Variants in SENP7 observed in about 807,000 individuals in gnomAD.
The protein encoded by SENP7 is sentrin-specific protease 7.
In SENP7, 64 loss-of-function variants were observed where a neutral mutation model predicts 141.2. That is an observed-to-expected ratio of 0.45 (90% confidence interval 0.37 to 0.56). SENP7 has a LOEUF of 0.56. SENP7 is among the 20% of genes least tolerant of loss of function. The pLI, the probability that SENP7 is intolerant of heterozygous loss-of-function variation, is 0.00. For synonymous variants in SENP7, 382 were observed against 426.4 expected (o/e 0.90, Z 1.28); for missense variants, 1,025 against 1,212.2 (o/e 0.85, Z 2.29).
At chr3:101,471,101 C>T (rs1253680547) in intron 3 of SENP7, among the ~76,000 whole-genome samples, 1 of 152,124 alleles carries the variant, frequency 6.6e-6, no homozygotes, top group Non-Finnish European at 1.5e-5. Flanking sequence ...GATTCAATGC[C>T]ATCCCCATCA....
intron 4 of SENP7, among the ~76,000 whole-genome samples, chr3:101,455,393 C>A (rs1241641052): frequency 6.6e-6 from 1 of 152,104 alleles, no homozygotes; most frequent in African/African-American, 2.4e-5. Context: ...TAGCCTAATG[C>A]CTAACATATA....
intron 13 of SENP7, among the ~76,000 whole-genome samples, chr3:101,345,625 C>A (rs1289624100): frequency 6.6e-6 from 1 of 152,104 alleles, no homozygotes; most frequent in East Asian, 1.9e-4. Flanking sequence ...TTCCCCTTTA[C>A]AGATTTGGAT....
At position 101,366,568 on chromosome 3, in the gene SENP7, C is replaced by G. The variant is rs747181985; in HGVS notation, c.1180G>C (p.Val394Leu). The change falls in exon 9 of 24, where the codon GTT (valine) becomes CTT (leucine). Residue 394 changes from valine to leucine, a missense_variant. By Grantham distance (32) the Val-to-Leu change is conservative. Transcript: ENST00000394095. ...ATATCAATGGAATTAGAGTTCTCAA[C>G]GGTTTCAGTGGTTGAACCGGCAGAG... Reference protein sequence around the residue: ...SASAGSTTETVENSNSIDIVG... With the variant: ...SASAGSTTETLENSNSIDIVG... 1.2e-6 allele frequency: 2 copies of G among 1,613,876 alleles called. No individual in the cohort carries two copies. Among genetic ancestry groups the G allele is most frequent in the Admixed American group, 3.3e-5 (2 of 60,006 alleles).
At chr3:101,326,203 T>A (rs1474137793) in intron 23 of SENP7, 123 bp from the exon 24 acceptor site, 1 of 743,160 alleles carries the variant, frequency 1.3e-6, no homozygotes, top group African/African-American at 1.8e-5. Context: ...TATTAAGATA[T>A]AATTCACATA....
At chr3:101,364,213 C>A (rs2059975030) in intron 10 of SENP7, among the ~76,000 whole-genome samples, 2 of 123,664 alleles carry the variant, frequency 1.6e-5, no homozygotes, top group African/African-American at 6.1e-5. Flanking sequence ...GGTGACAGGG[C>A]AAGACCTTGT....
At chr3:101,442,222 C>G (rs1363070492) in intron 4 of SENP7, among the ~76,000 whole-genome samples, 1 of 152,124 alleles carries the variant, frequency 6.6e-6, no homozygotes, top group Non-Finnish European at 1.5e-5. Flanking sequence ...TGCCTGAAAA[C>G]AAACTCAAAA....
Position 101,513,122 on chromosome 3 carries a change from C to T in SENP7, c.9G>A (p.Lys3=), listed in dbSNP as rs911513082. 3 of 1,545,832 alleles carry T rather than the reference C, an allele frequency of 1.9e-6. No homozygotes were observed. The highest frequency in any genetic ancestry group is 2.6e-6 in the Non-Finnish European group (3 of 1,139,588). Residue 3 remains lysine, a synonymous_variant, in exon 1 of 24, where the codon AAG becomes AAA. Transcript: ENST00000394095. ...AAGATGGCCGTCGCCCGAGCTTTCT[C>T]TTGTCCATCTTCTCCCGCTGCTGAA... MD[K]RKLGRRPSSS... is the part of the protein sequence containing the mutation.
intron 4 of SENP7, among the ~76,000 whole-genome samples, chr3:101,423,773 T>C (rs960549995): frequency 2.9e-4 from 44 of 152,244 alleles, no homozygotes; most frequent in Middle Eastern, 6.8e-3. Flanking sequence ...GACTCATTCA[T>C]AGCCCCCAGT....
rs1391960895 is a variant in SENP7 at position 101,341,552 on chromosome 3, A to C, written c.2240+94T>G. ...ACTATCAGCATGAAAGTAAAACTTA[A>C]AACATTTCAAAAGTTAAACTACTGA... On this transcript the variant is annotated intron_variant, in intron 15 of 23. Transcript: ENST00000394095. 3.5e-6 allele frequency: 4 copies of C among 1,151,216 alleles called. No homozygotes were observed. In the African/African-American group the frequency reaches 6.3e-5, roughly 18 times the overall value. 71.3% of individuals were successfully genotyped at this position (1,151,216 alleles called of 1,614,324 possible).
intron 11 of SENP7, among the ~76,000 whole-genome samples, chr3:101,355,312 T>A (rs544986276): frequency 2.0e-5 from 3 of 152,348 alleles, no homozygotes; most frequent in African/African-American, 7.2e-5. Context: ...TGATACTGCC[T>A]AGGTTGTCTT....
chr3:101,477,987 T>A (rs2108012208), intron 3 of SENP7, among the ~76,000 whole-genome samples: 1 of 151,730 alleles, frequency 6.6e-6, no homozygotes, highest in Non-Finnish European at 1.5e-5. Context: ...GATAAACAAC[T>A]GGCTAGACTG....
At chr3:101,336,364 C>T (rs1231334793) in intron 17 of SENP7, among the ~76,000 whole-genome samples, 4 of 152,004 alleles carry the variant, frequency 2.6e-5, no homozygotes, top group African/African-American at 4.8e-5. Flanking sequence ...GTTATTTTAA[C>T]GAGATGAAAC....
chr3:101,414,136 TG>T (rs2061532982), intron 5 of SENP7: 1 of 476,568 alleles, frequency 2.1e-6, no homozygotes, highest in South Asian at 3.2e-5. Context: ...GCAATAAAGA[TG>T]GAGAACAGAT....
intron 12 of SENP7, among the ~76,000 whole-genome samples, chr3:101,350,747 T>TA (rs2059592805): frequency 1.3e-5 from 2 of 152,006 alleles, no homozygotes; most frequent in Non-Finnish European, 2.9e-5. Context: ...CATCCCCTTT[T>TA]AAAATCACAT....
intron 17 of SENP7, among the ~76,000 whole-genome samples, chr3:101,333,530 ATAAAT>A (rs1402630936): frequency 1.3e-5 from 2 of 152,190 alleles, no homozygotes; most frequent in Non-Finnish European, 2.9e-5. Context: ...TCTCTAAAAA[ATAAAT>A]TAATCAGTTA....
chr3:101,437,663 A>T (rs2062442895), intron 4 of SENP7, among the ~76,000 whole-genome samples: 2 of 152,146 alleles, frequency 1.3e-5, no homozygotes, highest in African/African-American at 2.4e-5. Flanking sequence ...GAGCTATGTG[A>T]TCACACCACT....
At chr3:101,336,410 C>G (rs1480869760) in intron 17 of SENP7, among the ~76,000 whole-genome samples, 1 of 152,022 alleles carries the variant, frequency 6.6e-6, no homozygotes, top group African/African-American at 2.4e-5. Flanking sequence ...CAATCTAGTA[C>G]AATAAAAACT....
intron 4 of SENP7, among the ~76,000 whole-genome samples, chr3:101,443,259 T>C (rs1273879676): frequency 6.6e-6 from 1 of 152,230 alleles, no homozygotes; most frequent in African/African-American, 2.4e-5. Context: ...CAGATAGTTG[T>C]AGATATGCGG....
chr3:101,355,729 C>G (rs1293427202), intron 11 of SENP7, among the ~76,000 whole-genome samples: 1 of 152,040 alleles, frequency 6.6e-6, no homozygotes, highest in Admixed American at 6.6e-5. Flanking sequence ...TTTTAAAATA[C>G]TTTTTCATAT....
Sources: allele counts gnomAD v4.1 joint callset (sites outside exome capture counted in the v4.1 genomes callset), GRCh38; gene constraint gnomAD v4.1.1; transcripts MANE v1.5; gene names NCBI Gene and HGNC (gene_info 2026-07-23, HGNC 2026-07-21).